Variants in CACNA1C observed in about 807,000 individuals in gnomAD.
The protein encoded by CACNA1C is calcium voltage-gated channel subunit alpha1 C.
In CACNA1C, 30 loss-of-function variants were observed where a neutral mutation model predicts 229.0. The ratio of observed to expected loss-of-function variants is 0.13; its 90% CI spans 0.10 to 0.18. CACNA1C has a LOEUF of 0.18. Ranked by LOEUF, CACNA1C falls within the 10% of genes least tolerant of loss-of-function variation. CACNA1C has a pLI of 1.00. For synonymous variants in CACNA1C, 1,114 were observed against 1,132.5 expected (o/e 0.98, Z 0.33); for missense variants, 1,658 against 2,845.0 (o/e 0.58, Z 9.49).
chr12:2,626,525 T>G (rs968456298), intron 29 of CACNA1C, among the ~76,000 whole-genome samples: 11 of 152,156 alleles, frequency 7.2e-5, no homozygotes, highest in African/African-American at 2.7e-4. Flanking sequence ...TTCTTCAGAG[T>G]GCATGGTGCT....
At chr12:2,600,359 A>G (rs2071314720) in intron 21 of CACNA1C, among the ~76,000 whole-genome samples, 1 of 152,222 alleles carries the variant, frequency 6.6e-6, no homozygotes, top group Admixed American at 6.5e-5. Flanking sequence ...CAAGAGATAA[A>G]TGGAAAGAAT....
At chr12:2,051,016 G>T (rs185657122), upstream of CACNA1C, among the ~76,000 whole-genome samples, 1 of 152,190 alleles carries the variant, frequency 6.6e-6, no homozygotes, top group Admixed American at 6.5e-5. Context: ...TTAGTGGGGG[G>T]ATACAGACAA....
chr12:2,037,645 T>C, intron 1 of CACNA1C, among the ~76,000 whole-genome samples: 1 of 152,200 alleles, frequency 6.6e-6, no homozygotes, highest in African/African-American at 2.4e-5. Flanking sequence ...ATCGTACCAG[T>C]CATGGAAGGG....
chr12:1,993,543 G>T, intron 1 of CACNA1C: 1 of 881,228 alleles, frequency 1.1e-6, no homozygotes, highest in Non-Finnish European at 1.7e-6. Flanking sequence ...TTCACCACTG[G>T]CATCATTATG....
rs1454757690 is a variant in CACNA1C, at chr12:2,354,872, C to T, written c.478-94104C>T. On this transcript the variant is annotated intron_variant, in intron 3 of 46. Transcript: ENST00000399655. This position sits in a 1 kb window ranked among gnomAD's most constrained non-coding sequence, Gnocchi z 4.6. Reference sequence around the variant, plus strand: ...CATTTCAGAGCTGGTCGTTTCCCCGCAGCTTTAGATTCCATTTTGGTGAGG... The same window carrying T: ...CATTTCAGAGCTGGTCGTTTCCCCGTAGCTTTAGATTCCATTTTGGTGAGG... 3.9e-5 allele frequency among the ~76,000 whole-genome samples: 6 copies of T among 152,114 alleles called. No homozygotes were observed. The East Asian group carries it at 1.2e-3, about 29-fold the overall frequency.
In CACNA1C at chr12:2,146,325, G is replaced by A. The variant is rs1014758272; in HGVS notation, c.477+25895G>A. 1.5e-4 allele frequency among the ~76,000 whole-genome samples: 22 copies of A among 151,288 alleles called. 1 individual carries two copies. The highest frequency in any genetic ancestry group is 5.1e-4 in the African/African-American group (21 of 41,374). ...AATTCTACAGTAGGAGTCAGGAAAG[G>A]CTTCACTTGTGAAGTGGCACTTGAG... is the stretch of plus-strand genomic sequence containing the variant. On this transcript the variant is annotated intron_variant, in intron 3 of 46. Transcript: ENST00000399655.
chr12:2,441,327 G>C (rs941968913), intron 3 of CACNA1C, among the ~76,000 whole-genome samples: 1 of 152,180 alleles, frequency 6.6e-6, no homozygotes, highest in African/African-American at 2.4e-5. Flanking sequence ...CATGGGAGTA[G>C]ACACTTCAGT....
chr12:2,565,719 C>T (rs1441054021), intron 11 of CACNA1C, among the ~76,000 whole-genome samples: 1 of 152,186 alleles, frequency 6.6e-6, no homozygotes, highest in Non-Finnish European at 1.5e-5. Context: ...TGTGTGTGGG[C>T]ATGTGCCCAT....
Position 2,567,455 on chromosome 12 carries a change from G to A in CACNA1C, c.1670-114G>A, listed in dbSNP as rs1249393841. 1.2e-4 allele frequency: 76 copies of A among 658,586 alleles called. 1 individual carries two copies. Among genetic ancestry groups the A allele is most frequent in the Non-Finnish European group, 7.8e-6 (3 of 384,270 alleles). 40.8% of individuals were successfully genotyped at this position (658,586 alleles called of 1,614,324 possible). A position where few individuals can be genotyped will look rare whatever the true frequency, so the allele number is the denominator to read the frequency against. ...GTTCTGGCCGAGGTGGATGGGAGAG[G>A]TGTCATGGGGGATCTTTTTTCCAAT... On this transcript the variant is annotated intron_variant, in intron 12 of 46. Coordinates refer to ENST00000399655, the MANE Select transcript of CACNA1C (RefSeq NM_000719.7).
At position 2,115,653 on chromosome 12, in the gene CACNA1C, C is replaced by T. The variant is rs200773363; in HGVS notation, c.371+108C>T. ...TGTGTCAGCTGTGCTGGGCTACAAA[C>T]GGGGCCTCGGGCCTACTGCATCTGC... On this transcript the variant is annotated intron_variant, in intron 2 of 46. Coordinates refer to ENST00000399655, the MANE Select transcript of CACNA1C (RefSeq NM_000719.7). 628 of 1,030,982 alleles carry T rather than the reference C, an allele frequency of 6.1e-4. 3 individuals carry two copies. In the African/African-American group the frequency reaches 8.4e-3, roughly 14 times the overall value. 63.9% of individuals were successfully genotyped at this position (1,030,982 alleles called of 1,614,324 possible).
Position 2,602,630 on chromosome 12 carries a change from TTGTGTGTG to T in CACNA1C, c.2960+703_2960+710del, listed in dbSNP as rs3062140. On this transcript the variant is annotated intron_variant, in intron 22 of 46. Transcript: ENST00000399655. This position sits in a 1 kb window ranked among gnomAD's most constrained non-coding sequence, Gnocchi z 4.4. Reference sequence around the variant, plus strand: ...GTGTGTGACTGTGTATATTTGTGTCTTGTGTGTGTGTGTGTGTGTGTGTGTGTGTGTGT... The same window carrying T: ...GTGTGTGACTGTGTATATTTGTGTCTTGTGTGTGTGTGTGTGTGTGTGTGT... 0.024 allele frequency among the ~76,000 whole-genome samples: 3,426 copies of T among 140,582 alleles called. 49 individuals are homozygous for T. Among genetic ancestry groups the T allele is most frequent in the African/African-American group, 0.039 (1,428 of 36,198 alleles). The allele number at this position is 140,582 out of a possible 152,430, so 92.2% of individuals were successfully genotyped here.
chr12:2,530,323 T>A (rs894484247), intron 9 of CACNA1C, among the ~76,000 whole-genome samples: 3 of 152,240 alleles, frequency 2.0e-5, no homozygotes, highest in African/African-American at 7.2e-5. Context: ...GTCATTAGAC[T>A]AACCCAATTG....
Position 1,971,050 on chromosome 12 carries a change from C to G in CACNA1C, c.-13C>G. The G allele has an allele frequency of 7.8e-7, 1 of 1,281,470 alleles. No individual in the cohort carries two copies. The highest frequency in any genetic ancestry group is 1.5e-5 in the African/African-American group (1 of 65,564). 79.4% of individuals were successfully genotyped at this position (1,281,470 alleles called of 1,614,324 possible). ...TAAAAATCAACCAATTAATATACAT[C>G]TGGAAATTCACAATGCTTCGAGCCT... is the stretch of plus-strand genomic sequence containing the variant. On this transcript the variant is annotated 5_prime_UTR_variant, in exon 1 of 47. Coordinates refer to the CACNA1C transcript ENST00000682462. The surrounding 1 kb of genome is among the most constrained non-coding windows in gnomAD (Gnocchi z 4.2).
intron 28 of CACNA1C, 109 bp downstream of exon 28, chr12:2,610,808 C>A: frequency 3.7e-6 from 4 of 1,073,770 alleles, no homozygotes; most frequent in Non-Finnish European, 4.2e-6. Context: ...TCCTGGTCAC[C>A]AAGGGAGGCA....
At chr12:2,328,051 G>A (rs1019277980) in intron 3 of CACNA1C, among the ~76,000 whole-genome samples, 1 of 152,234 alleles carries the variant, frequency 6.6e-6, no homozygotes, top group East Asian at 1.9e-4. Flanking sequence ...TCTTTGCAGA[G>A]GAAGATTTTG....
chr12:2,644,983 C>T (rs1272549125), intron 30 of CACNA1C, among the ~76,000 whole-genome samples: 1 of 152,184 alleles, frequency 6.6e-6, no homozygotes, highest in Non-Finnish European at 1.5e-5. Context: ...AAATGCCCGA[C>T]CTCTGCCTCA....
At chr12:2,214,293 T>C (rs1378710132) in intron 3 of CACNA1C, among the ~76,000 whole-genome samples, 1 of 152,180 alleles carries the variant, frequency 6.6e-6, no homozygotes, top group Non-Finnish European at 1.5e-5. Flanking sequence ...ATTTCTATGA[T>C]GTGGGTAACT....
At chr12:2,501,071 T>C (rs1598234952) in intron 7 of CACNA1C, among the ~76,000 whole-genome samples, 1 of 148,688 alleles carries the variant, frequency 6.7e-6, no homozygotes, top group African/African-American at 2.5e-5. Flanking sequence ...TAGCCAGGTG[T>C]GGTGGCGGGT....
intron 3 of CACNA1C, among the ~76,000 whole-genome samples, chr12:2,313,438 G>T (rs1244462267): frequency 6.6e-6 from 1 of 152,282 alleles, no homozygotes; most frequent in Non-Finnish European, 1.5e-5. Context: ...GAGCCCTCTG[G>T]TAGGACACGA....
Sources: gnomAD v4.1 joint callset for allele counts (sites outside exome capture counted in the v4.1 genomes callset) on GRCh38, gnomAD v4.1.1 for gene constraint, Gnocchi (gnomAD v3.1) non-coding constraint, MANE v1.5 for transcripts, NCBI Gene and HGNC (gene_info 2026-07-23, HGNC 2026-07-21) for gene names.